SAG: variants seen among roughly 807,000 people sequenced by gnomAD.
The protein encoded by SAG is S-arrestin.
In SAG, 45 loss-of-function variants were observed where a neutral mutation model predicts 55.0. The observed-to-expected ratio is 0.82, with a 90% CI of 0.64 to 1.05. SAG has a LOEUF of 1.05. SAG is among the 50% of genes least tolerant of loss of function. The probability of loss-of-function intolerance (pLI) is 0.00; values close to 1 mark genes in which losing one functional copy is unlikely to be tolerated. For synonymous variants in SAG, 189 were observed against 197.4 expected (o/e 0.96, Z 0.36); for missense variants, 455 against 512.1 (o/e 0.89, Z 1.08).
intron 12 of SAG, among the ~76,000 whole-genome samples, chr2:233,339,233 A>C (rs1701027165): frequency 6.6e-6 from 1 of 152,216 alleles, no homozygotes; most frequent in African/African-American, 2.4e-5. Flanking sequence ...AATATCTCAG[A>C]GTTTTAAGGG....
intron 2 of SAG, among the ~76,000 whole-genome samples, chr2:233,315,711 T>G (rs1168886454): frequency 6.6e-6 from 1 of 151,170 alleles, no homozygotes; most frequent in Non-Finnish European, 1.5e-5. Context: ...TCTTTCTTTT[T>G]TTTTTTTTTG....
chr2:233,328,651 G>A (rs1374781947), intron 8 of SAG, 38 bp downstream of exon 8: 1 of 1,573,840 alleles, frequency 6.4e-7, no homozygotes, highest in African/African-American at 1.3e-5. Flanking sequence ...CAGGGCAGCA[G>A]GCCTAGGGGC....
intron 14 of SAG, chr2:233,343,825 A>C: frequency 1.1e-6 from 1 of 932,368 alleles, no homozygotes; most frequent in East Asian, 1.1e-4. Context: ...CATACTTTAC[A>C]AATAGCTTTT....
intron 3 of SAG, among the ~76,000 whole-genome samples, chr2:233,316,710 A>G (rs1035647503): frequency 1.3e-5 from 2 of 152,230 alleles, no homozygotes; most frequent in African/African-American, 4.8e-5. Flanking sequence ...ATCCTATGAG[A>G]AAATGGGGGA....
chr2:233,335,049 C>T lies in SAG; in HGVS notation c.894C>T (p.Ala298=), dbSNP rs746556049. 11 of 1,613,788 alleles carry T rather than the reference C, an allele frequency of 6.8e-6. No homozygotes were observed. The highest frequency in any genetic ancestry group is 7.6e-6 in the Non-Finnish European group (9 of 1,179,806). The part of the protein sequence containing the change: ...LANNRERRGI[A]LDGKIKHEDT... ...ACAATCGAGAAAGGAGAGGCATTGCCCTGGATGGGAAAATCAAGCACGAGG... is the reference window on the plus strand; with the variant it reads ...ACAATCGAGAAAGGAGAGGCATTGCTCTGGATGGGAAAATCAAGCACGAGG... The change falls in exon 11 of 16, where the codon GCC becomes GCT. Residue 298 remains alanine, a synonymous_variant. Transcript: ENST00000409110.
At chr2:233,326,598 A>AT in intron 6 of SAG, among the ~76,000 whole-genome samples, 1 of 152,040 alleles carries the variant, frequency 6.6e-6, no homozygotes, top group South Asian at 2.1e-4. Context: ...AAAAAAAAAA[A>AT]AAAAAATCGT....
rs1006735093 is a variant in SAG at position 233,346,970 on chromosome 2, C to A, written c.*58C>A. ...GTAGTTACCAGTGCAACGAGCAAAG[C>A]CCCACAGTTTAGTCCTTTGGAGTTA... On this transcript the variant is annotated 3_prime_UTR_variant, in exon 16 of 16. Transcript: ENST00000409110. 3 of 957,830 alleles carry A rather than the reference C, an allele frequency of 3.1e-6. No individual in the cohort carries two copies. Among genetic ancestry groups the A allele is most frequent in the African/African-American group, 3.2e-5 (2 of 61,890 alleles). The allele number at this position is 957,830 out of a possible 1,614,324, so 59.3% of individuals were successfully genotyped here. A position where few individuals can be genotyped will look rare whatever the true frequency, so the allele number is the denominator to read the frequency against.
Sources: gnomAD v4.1 joint callset for allele counts (sites outside exome capture counted in the v4.1 genomes callset) on GRCh38, gnomAD v4.1.1 for gene constraint, MANE v1.5 for transcripts, NCBI Gene and HGNC (gene_info 2026-07-23, HGNC 2026-07-21) for gene names.